The following DACH1 variants were observed in gnomAD, a reference collection of about 807,000 sequenced individuals.
DACH1 encodes dachshund homolog 1.
A neutral mutation model predicts 54.2 loss-of-function variants in DACH1; 12 were observed. The ratio of observed to expected loss-of-function variants is 0.22; its 90% CI spans 0.14 to 0.36. DACH1 has a LOEUF of 0.36. DACH1 is among the 10% of genes least tolerant of loss of function. The probability of loss-of-function intolerance (pLI) is 1.00; values close to 1 mark genes in which losing one functional copy is unlikely to be tolerated. For synonymous variants in DACH1, 386 were observed against 366.2 expected (o/e 1.05, Z -0.62); for missense variants, 805 against 929.8 (o/e 0.87, Z 1.75).
At chr13:71,565,265 T>C (rs1357944053) in intron 4 of DACH1, among the ~76,000 whole-genome samples, 1 of 152,110 alleles carries the variant, frequency 6.6e-6, no homozygotes, top group Non-Finnish European at 1.5e-5. Flanking sequence ...ACCAGCACTT[T>C]ATATAACCAA....
intron 6 of DACH1, among the ~76,000 whole-genome samples, chr13:71,497,475 A>C (rs1879531854): frequency 6.6e-6 from 1 of 151,668 alleles, no homozygotes; most frequent in Non-Finnish European, 1.5e-5. Flanking sequence ...GGGGTTACAG[A>C]TATGGGCCAC....
chr13:71,546,998 C>T (rs995179830), intron 6 of DACH1, among the ~76,000 whole-genome samples: 8 of 152,014 alleles, frequency 5.3e-5, no homozygotes, highest in East Asian at 1.9e-4. Flanking sequence ...TAAACCCTTG[C>T]GTGTTATTCA....
intron 1 of DACH1, among the ~76,000 whole-genome samples, chr13:71,726,360 G>A (rs886134887): frequency 2.6e-5 from 4 of 152,062 alleles, no homozygotes; most frequent in Non-Finnish European, 4.4e-5. Flanking sequence ...CAACTGATGA[G>A]TATTAAAAAC....
chr13:71,614,110 T>C (rs1308862730), intron 3 of DACH1, among the ~76,000 whole-genome samples: 1 of 152,198 alleles, frequency 6.6e-6, no homozygotes, highest in African/African-American at 2.4e-5. Flanking sequence ...TAATCCATTT[T>C]GCCTGGAACT....
At position 71,866,875 on chromosome 13, in the gene DACH1, A is replaced by C; in HGVS notation, c.-106T>G. The stretch of plus-strand genomic sequence containing the variant: ...AGGGGGGAGAAGGAGCGAGGGGGGC[A>C]ACAACAACTCCGGGAGAGAACGAGA... On this transcript the variant is annotated 5_prime_UTR_variant, in exon 1 of 11. Coordinates refer to ENST00000613252, the MANE Select transcript of DACH1 (RefSeq NM_080759.6). 6.1e-6 allele frequency: 5 copies of C among 820,132 alleles called. No individual in the cohort carries two copies. The highest frequency in any genetic ancestry group is 6.5e-6 in the Non-Finnish European group (4 of 616,442). 50.8% of individuals were successfully genotyped at this position (820,132 alleles called of 1,614,324 possible). A position where few individuals can be genotyped will look rare whatever the true frequency, so the allele number is the denominator to read the frequency against.
chr13:71,546,353 T>C (rs1731279704), intron 6 of DACH1, among the ~76,000 whole-genome samples: 1 of 152,038 alleles, frequency 6.6e-6, no homozygotes, highest in Non-Finnish European at 1.5e-5. Flanking sequence ...TTTTAACTTG[T>C]ATCTTAAAGA....
chr13:71,591,332 A>T (rs1333430048), intron 3 of DACH1, among the ~76,000 whole-genome samples: 2 of 152,146 alleles, frequency 1.3e-5, no homozygotes, highest in African/African-American at 4.8e-5. Context: ...AGCTTTTTTT[A>T]TAATCCATAG....
chr13:71,763,921 G>A, intron 1 of DACH1, among the ~76,000 whole-genome samples: 1 of 152,088 alleles, frequency 6.6e-6, no homozygotes, highest in Non-Finnish European at 1.5e-5. Context: ...TTTATGCCAT[G>A]TTGCAAAACA....
chr13:71,723,215 A>T (rs71431509), intron 1 of DACH1, among the ~76,000 whole-genome samples: 2 of 151,090 alleles, frequency 1.3e-5, no homozygotes, highest in Non-Finnish European at 1.5e-5. Flanking sequence ...CCAGCCTGGG[A>T]AAACCAGGCC....
chr13:71,491,284 C>A (rs2138208269), intron 6 of DACH1, among the ~76,000 whole-genome samples: 1 of 152,270 alleles, frequency 6.6e-6, no homozygotes, highest in South Asian at 2.1e-4. Flanking sequence ...TGTTAAATAG[C>A]TAATTCCTAT....
At chr13:71,564,934 T>G (rs1460411350) in intron 4 of DACH1, among the ~76,000 whole-genome samples, 1 of 152,122 alleles carries the variant, frequency 6.6e-6, no homozygotes, top group Non-Finnish European at 1.5e-5. Flanking sequence ...TGTTGTTTGT[T>G]TTTTTGAGTC....
At chr13:71,576,210 CTT>C (rs1163526807) in intron 3 of DACH1, among the ~76,000 whole-genome samples, 1 of 152,008 alleles carries the variant, frequency 6.6e-6, no homozygotes, top group African/African-American at 2.4e-5. Flanking sequence ...AAAAAACTGA[CTT>C]AACTGCTATT....
At chr13:71,836,890 C>T (rs1440787568) in intron 1 of DACH1, among the ~76,000 whole-genome samples, 2 of 151,974 alleles carry the variant, frequency 1.3e-5, no homozygotes, top group Non-Finnish European at 2.9e-5. Flanking sequence ...AGAATTGAAG[C>T]CCTATGAGGG....
chr13:71,457,316 T>C (rs997253172), intron 10 of DACH1, among the ~76,000 whole-genome samples: 2 of 152,010 alleles, frequency 1.3e-5, no homozygotes, highest in African/African-American at 2.4e-5. Context: ...AAGAGTTGAA[T>C]TGACACTTTG....
chr13:71,814,799 T>C (rs1005672374), intron 1 of DACH1, among the ~76,000 whole-genome samples: 5 of 152,256 alleles, frequency 3.3e-5, no homozygotes, highest in Admixed American at 1.3e-4. Flanking sequence ...AAGAAATCTT[T>C]AAATTCTGAA....
intron 6 of DACH1, among the ~76,000 whole-genome samples, chr13:71,502,908 C>T (rs182992758): frequency 1.8e-4 from 28 of 152,310 alleles, no homozygotes; most frequent in Non-Finnish European, 3.4e-4. Context: ...ATGCAACATG[C>T]TGTTGGAATG....
At chr13:71,517,127 C>T (rs1048944052) in intron 6 of DACH1, among the ~76,000 whole-genome samples, 14 of 151,668 alleles carry the variant, frequency 9.2e-5, no homozygotes, top group Admixed American at 5.3e-4. Flanking sequence ...TGGTAGCATG[C>T]GCCATTAAAC....
intron 6 of DACH1, among the ~76,000 whole-genome samples, chr13:71,505,733 C>G (rs189953878): frequency 5.8e-4 from 88 of 152,124 alleles, no homozygotes; most frequent in South Asian, 1.2e-3. Flanking sequence ...CTTATTCCTT[C>G]TCATATACTA....
At chr13:71,667,102 CA>C (rs1481113247) in intron 2 of DACH1, among the ~76,000 whole-genome samples, 1 of 151,900 alleles carries the variant, frequency 6.6e-6, no homozygotes, top group African/African-American at 2.4e-5. Context: ...AAGGAATTTT[CA>C]ATATTTTTTA....
Sources: gnomAD v4.1 joint callset for allele counts (sites outside exome capture counted in the v4.1 genomes callset) on GRCh38, gnomAD v4.1.1 for gene constraint, MANE v1.5 for transcripts, NCBI Gene and HGNC (gene_info 2026-07-23, HGNC 2026-07-21) for gene names.